EDARADD: variants seen among roughly 807,000 people sequenced by gnomAD.
EDARADD encodes the protein EDAR associated via death domain.
A neutral mutation model predicts 25.6 loss-of-function variants in EDARADD; 20 were observed. That is an observed-to-expected ratio of 0.78 (90% CI 0.55 to 1.14). The LOEUF (loss-of-function observed/expected upper bound fraction) is 1.14, where lower values mean the gene tolerates loss of function less well. EDARADD is among the 50% of genes most tolerant of loss of function. The pLI, the probability that EDARADD is intolerant of heterozygous loss-of-function variation, is 0.00. For missense variants in EDARADD, 225 were observed against 270.1 expected, an observed-to-expected ratio of 0.83 and a Z score of 1.17; for synonymous variants, 86 against 94.4, an observed-to-expected ratio of 0.91 and a Z score of 0.52.
At chr1:236,407,106 G>C (rs1026406294) in intron 1 of EDARADD, among the ~76,000 whole-genome samples, 19 of 152,162 alleles carry the variant, frequency 1.2e-4, no homozygotes, top group Non-Finnish European at 1.3e-4. Flanking sequence ...GTGGTGCTGG[G>C]AAAAACTAGG....
At chr1:236,405,240 C>G (rs1276979767) in intron 1 of EDARADD, among the ~76,000 whole-genome samples, 2 of 152,210 alleles carry the variant, frequency 1.3e-5, no homozygotes, top group Admixed American at 1.3e-4. Context: ...GTGTCTTTCT[C>G]ATCTTAAGTT....
At chr1:236,407,936 G>T (rs1322837169) in intron 1 of EDARADD, among the ~76,000 whole-genome samples, 2 of 152,116 alleles carry the variant, frequency 1.3e-5, no homozygotes, top group Non-Finnish European at 2.9e-5. Flanking sequence ...AAAAACTATG[G>T]TTTTTTCTTT....
intron 3 of EDARADD, among the ~76,000 whole-genome samples, chr1:236,416,488 A>G (rs1243219618): frequency 6.6e-6 from 1 of 152,078 alleles, no homozygotes; most frequent in Non-Finnish European, 1.5e-5. Flanking sequence ...TTGCTTAGCA[A>G]CCTGATACTA....
At chr1:236,479,849 C>T (rs772987606) in intron 5 of EDARADD, among the ~76,000 whole-genome samples, 1 of 151,516 alleles carries the variant, frequency 6.6e-6, no homozygotes, top group Non-Finnish European at 1.5e-5. Flanking sequence ...AGTTCAAGAC[C>T]AGCCTGGGTA....
chr1:236,422,793 C>A (rs867189565), intron 3 of EDARADD, among the ~76,000 whole-genome samples: 1 of 152,188 alleles, frequency 6.6e-6, no homozygotes, highest in Non-Finnish European at 1.5e-5. Context: ...GCAGATGGAA[C>A]ATGCCAGAGT....
At chr1:236,385,071 A>T (rs1478375135) in intron 3 of EDARADD, among the ~76,000 whole-genome samples, 2 of 130,716 alleles carry the variant, frequency 1.5e-5, no homozygotes, top group African/African-American at 3.0e-5. Flanking sequence ...TCAGATTTTT[A>T]TTCTATGCCT....
At chr1:236,479,654 C>G (rs1659611419) in intron 5 of EDARADD, among the ~76,000 whole-genome samples, 1 of 151,998 alleles carries the variant, frequency 6.6e-6, no homozygotes. Context: ...TGCTCTCTTC[C>G]TATTTTATTT....
intron 5 of EDARADD, among the ~76,000 whole-genome samples, chr1:236,470,547 AT>A (rs1659332457): frequency 6.6e-6 from 1 of 152,212 alleles, no homozygotes; most frequent in African/African-American, 2.4e-5. Context: ...GCTTCTGGTC[AT>A]CTTCAAACAT....
chr1:236,369,045 C>T (rs1460840017), intron 3 of EDARADD, among the ~76,000 whole-genome samples: 4 of 152,164 alleles, frequency 2.6e-5, no homozygotes, highest in African/African-American at 9.7e-5. Context: ...CTGCCTGCCT[C>T]AGCCTCCCAA....
At chr1:236,357,291 T>G (rs756209783) in intron 3 of EDARADD, among the ~76,000 whole-genome samples, 9 of 152,272 alleles carry the variant, frequency 5.9e-5, no homozygotes, top group Non-Finnish European at 1.3e-4. Context: ...ATCAGCAGGC[T>G]TTTTCACAAA....
chr1:236,439,831 G>A (rs1431607993), intron 4 of EDARADD, among the ~76,000 whole-genome samples: 2 of 152,144 alleles, frequency 1.3e-5, no homozygotes, highest in Non-Finnish European at 2.9e-5. Flanking sequence ...CTTTCACAGA[G>A]TAGAAAGCTT....
intron 5 of EDARADD, among the ~76,000 whole-genome samples, chr1:236,480,935 A>T (rs1157257752): frequency 6.6e-6 from 1 of 152,104 alleles, no homozygotes; most frequent in African/African-American, 2.4e-5. Flanking sequence ...TCAGCTGAAA[A>T]GCCTCCTGCT....
intron 4 of EDARADD, among the ~76,000 whole-genome samples, chr1:236,446,474 C>T (rs554715645): frequency 9.9e-5 from 15 of 151,924 alleles, no homozygotes; most frequent in Admixed American, 2.6e-4. Flanking sequence ...ATCACTTGAA[C>T]GCAGGAGGTG....
chr1:236,475,430 T>C (rs1238317763), intron 5 of EDARADD, among the ~76,000 whole-genome samples: 3 of 152,206 alleles, frequency 2.0e-5, no homozygotes, highest in Admixed American at 6.5e-5. Flanking sequence ...GCAGTTCATG[T>C]AGATTCCAGT....
Position 236,482,357 on chromosome 1 carries a change from A to G in EDARADD, c.356A>G (p.Gln119Arg). ...APTISDLLND[Q>R]DLLDVIRIKL... is the part of the protein sequence containing the mutation. ...ACCATAAGTGACTTGCTCAATGATC[A>G]GGACTTACTAGACGTGATCAGGATA... The change falls in exon 6 of 6, where the codon CAG (glutamine) becomes CGG (arginine). Residue 119 changes from glutamine to arginine, a missense_variant. By Grantham distance (43) the Gln-to-Arg change is conservative. Coordinates refer to ENST00000334232, the MANE Select transcript of EDARADD (RefSeq NM_145861.4). The G allele has an allele frequency of 6.2e-7, 1 of 1,614,190 alleles. No individual in the cohort carries two copies. The highest frequency in any genetic ancestry group is 8.5e-7 in the Non-Finnish European group (1 of 1,180,048).
rs61333307 is a variant in EDARADD, at chr1:236,445,234, C to CTTTTTTTTTTT, written c.219+17785_219+17795dup. Among the ~76,000 whole-genome samples, 15 of 89,698 alleles carry CTTTTTTTTTTT rather than the reference C, an allele frequency of 1.7e-4. 5 individuals are homozygous for CTTTTTTTTTTT. Among genetic ancestry groups the CTTTTTTTTTTT allele is most frequent in the South Asian group, 9.5e-4 (2 of 2,098 alleles). The allele number at this position is 89,698 out of a possible 152,430, so 58.8% of individuals were successfully genotyped here. Reference sequence around the variant, plus strand: ...TGCATTAGCTGGGACATAATAAATTCTTTTTTTTTTTGAGACAGAGTCTTG... The same window carrying CTTTTTTTTTTT: ...TGCATTAGCTGGGACATAATAAATTCTTTTTTTTTTTTTTTTTTTTTTGAGACAGAGTCTTG... On this transcript the variant is annotated intron_variant, in intron 4 of 5. Transcript: ENST00000334232.
chr1:236,402,901 C>A (rs1334740526), intron 1 of EDARADD, among the ~76,000 whole-genome samples: 1 of 152,190 alleles, frequency 6.6e-6, no homozygotes, highest in Non-Finnish European at 1.5e-5. Flanking sequence ...TGTGTGTAAG[C>A]CATGCCATGC....
chr1:236,388,136 G>C (rs866301143), intron 3 of EDARADD, among the ~76,000 whole-genome samples: 2 of 152,048 alleles, frequency 1.3e-5, no homozygotes, highest in African/African-American at 4.8e-5. Context: ...GTATGTGTGT[G>C]TGTGTGTGTG....
At chr1:236,396,169 A>T (rs1446692677) in intron 1 of EDARADD, among the ~76,000 whole-genome samples, 1 of 152,162 alleles carries the variant, frequency 6.6e-6, no homozygotes. Flanking sequence ...TATCCGCAGA[A>T]TCGAGAGGCG....
Sources: gnomAD v4.1 joint callset for allele counts (sites outside exome capture counted in the v4.1 genomes callset) on GRCh38, gnomAD v4.1.1 for gene constraint, MANE v1.5 for transcripts, NCBI Gene and HGNC (gene_info 2026-07-23, HGNC 2026-07-21) for gene names.